The following RPL39L variants were observed in gnomAD, a reference collection of about 807,000 sequenced individuals.
The protein encoded by RPL39L is ribosomal protein eL39-like 2.
For missense variants in RPL39L, 48 were observed against 58.9 expected, an observed-to-expected ratio of 0.81 and a Z score of 0.61; for synonymous variants, 16 against 20.1, an observed-to-expected ratio of 0.80 and a Z score of 0.55.
chr3:187,122,769 T>A (rs947328340), intron 2 of RPL39L, among the ~76,000 whole-genome samples: 4 of 152,148 alleles, frequency 2.6e-5, no homozygotes, highest in Non-Finnish European at 5.9e-5. Context: ...GCTGAGCACA[T>A]GATGCCCCTA....
intron 2 of RPL39L, among the ~76,000 whole-genome samples, chr3:187,127,658 C>T (rs1179327567): frequency 6.6e-6 from 1 of 152,146 alleles, no homozygotes; most frequent in Non-Finnish European, 1.5e-5. Flanking sequence ...TCCTGTCTAC[C>T]ATCATCCCAC....
intron 2 of RPL39L, among the ~76,000 whole-genome samples, chr3:187,126,161 TTTC>T (rs936461205): frequency 2.0e-5 from 3 of 151,206 alleles, no homozygotes; most frequent in South Asian, 2.1e-4. Flanking sequence ...CATCTATTGG[TTTC>T]TTTTTTTTTT....
intron 2 of RPL39L, among the ~76,000 whole-genome samples, chr3:187,125,966 C>T (rs1176276505): frequency 1.3e-5 from 2 of 151,922 alleles, no homozygotes; most frequent in Admixed American, 6.6e-5. Context: ...CAGAGCACTC[C>T]GGAGTGGTTA....
At chr3:187,124,421 C>CA (rs946295274) in intron 2 of RPL39L, among the ~76,000 whole-genome samples, 17 of 152,268 alleles carry the variant, frequency 1.1e-4, no homozygotes, top group African/African-American at 3.6e-4. Context: ...AAAGAAAGCA[C>CA]ATGTGGAGAT....
At chr3:187,121,978 G>C (rs530452756) in intron 2 of RPL39L, among the ~76,000 whole-genome samples, 1 of 152,084 alleles carries the variant, frequency 6.6e-6, no homozygotes, top group Non-Finnish European at 1.5e-5. Context: ...AGGAAAACAT[G>C]GTTGAAAATA....
rs1720648385 is a variant in RPL39L, at chr3:187,139,340, C to G, written c.-220G>C. The G allele has an allele frequency of 6.6e-6, 1 of 152,410 alleles. No homozygotes were observed. The highest frequency in any genetic ancestry group is 1.5e-5 in the Non-Finnish European group (1 of 68,166). The allele number at this position is 152,410 out of a possible 1,614,324, so 9.4% of individuals were successfully genotyped here. ...GCGTGTCACCGACCCGAACCCGCTC[C>G]GTCGTCCTGACGCCCCCGGCCTAGC... On this transcript the variant is annotated 5_prime_UTR_variant, in exon 1 of 3. Coordinates refer to ENST00000296277, the MANE Select transcript of RPL39L (RefSeq NM_052969.3).
chr3:187,132,479 T>C (rs1720503306), intron 1 of RPL39L, among the ~76,000 whole-genome samples: 1 of 152,200 alleles, frequency 6.6e-6, no homozygotes, highest in South Asian at 2.1e-4. Context: ...GGTAATCAGG[T>C]AAATCTGATG....
chr3:187,138,527 A>C (rs890715016), intron 1 of RPL39L, among the ~76,000 whole-genome samples: 14 of 152,288 alleles, frequency 9.2e-5, no homozygotes, highest in African/African-American at 3.4e-4. Context: ...GCCTGTGAGA[A>C]CGCCTTGGAA....
intron 1 of RPL39L, among the ~76,000 whole-genome samples, chr3:187,136,534 T>C (rs1720583606): frequency 6.6e-6 from 1 of 152,220 alleles, no homozygotes; most frequent in Non-Finnish European, 1.5e-5. Context: ...GTTCTTTAAC[T>C]GCCAAGGCCT....
At chr3:187,137,288 C>T (rs1579416192) in intron 1 of RPL39L, among the ~76,000 whole-genome samples, 1 of 148,976 alleles carries the variant, frequency 6.7e-6, no homozygotes, top group Non-Finnish European at 1.5e-5. Context: ...TGCTCAGGAT[C>T]ACCTGAGGTC....
At position 187,122,599 on chromosome 3, in the gene RPL39L, GA is replaced by G. The variant is rs1185224759; in HGVS notation, c.-28-1272del. Reference sequence around the variant, plus strand: ...AACATGCAGGCAGGAAGAAGAGAAAGAAAGAAAGAAAGGCAAAAGAGTACAT... The same window carrying G: ...AACATGCAGGCAGGAAGAAGAGAAAGAAGAAAGAAAGGCAAAAGAGTACAT... On this transcript the variant is annotated intron_variant, in intron 2 of 2. Transcript: ENST00000296277. 2.0e-5 allele frequency among the ~76,000 whole-genome samples: 3 copies of G among 152,124 alleles called. No individual in the cohort carries two copies. The East Asian group carries it at 5.8e-4, about 29-fold the overall frequency.
chr3:187,138,534 G>A (rs1163712008), intron 1 of RPL39L, among the ~76,000 whole-genome samples: 1 of 152,198 alleles, frequency 6.6e-6, no homozygotes, highest in African/African-American at 2.4e-5. Flanking sequence ...AGAACGCCTT[G>A]GAAAGAGGCA....
chr3:187,131,241 G>A (rs535358871), intron 1 of RPL39L, among the ~76,000 whole-genome samples: 2 of 152,258 alleles, frequency 1.3e-5, no homozygotes, highest in South Asian at 4.2e-4. Flanking sequence ...ATTTTGGGAG[G>A]CTGAGGCAGG....
chr3:187,132,898 T>C (rs2270354), intron 1 of RPL39L, among the ~76,000 whole-genome samples: 28,828 of 152,026 alleles, frequency 0.19, 3,196 homozygotes, highest in Non-Finnish European at 0.2. Context: ...ACCAATAAAG[T>C]AGCTTGAAAT....
In RPL39L at chr3:187,139,384, G is replaced by C. The variant is rs1371250462; in HGVS notation, c.-264C>G. 1 of 151,832 alleles carries C rather than the reference G, an allele frequency of 6.6e-6. No individual in the cohort carries two copies. The allele number at this position is 151,832 out of a possible 1,614,324, so 9.4% of individuals were successfully genotyped here. A position where few individuals can be genotyped will look rare whatever the true frequency, so the allele number is the denominator to read the frequency against. Reference sequence around the variant, plus strand: ...GCCTAGCTGCAGCCACCTTGTCGCAGGGGCCTTGGTGTCTCTGAGACTCCG... The same window carrying C: ...GCCTAGCTGCAGCCACCTTGTCGCACGGGCCTTGGTGTCTCTGAGACTCCG... On this transcript the variant is annotated 5_prime_UTR_variant, in exon 1 of 3. Transcript: ENST00000296277.
At chr3:187,139,087 A>AC (rs1158810678) in intron 1 of RPL39L, 126 bp downstream of exon 1, 3,255 of 159,608 alleles carry the variant, frequency 0.02, 108 homozygotes, top group African/African-American at 0.062. Context: ...AAACAAACAA[A>AC]AACGCTACTA....
intron 1 of RPL39L, among the ~76,000 whole-genome samples, chr3:187,132,315 G>A (rs1159904203): frequency 6.6e-6 from 1 of 152,176 alleles, no homozygotes; most frequent in Admixed American, 6.5e-5. Context: ...TGACAAGAGA[G>A]AATACAGATT....
rs1720442771 is a variant in RPL39L, at chr3:187,128,923, T to C, written c.-92-861A>G. ...GGTAACACCTAGCCAGACCCTATTA[T>C]ACCTCTTGCTTTGCTCAGCACTATT... is the stretch of plus-strand genomic sequence containing the variant. On this transcript the variant is annotated intron_variant, in intron 1 of 2. Coordinates refer to ENST00000296277, the MANE Select transcript of RPL39L (RefSeq NM_052969.3). Among the ~76,000 whole-genome samples the C allele has an allele frequency of 2.0e-5, 3 of 152,232 alleles. No homozygotes were observed. In the South Asian group the frequency reaches 6.2e-4, roughly 32 times the overall value.
At chr3:187,126,833 G>GT (rs3214381) in intron 2 of RPL39L, among the ~76,000 whole-genome samples, 2 of 152,168 alleles carry the variant, frequency 1.3e-5, no homozygotes, top group East Asian at 3.8e-4. Context: ...GTTCATATAA[G>GT]TTGGGGAGTC....
Sources: gnomAD v4.1 joint callset for allele counts (sites outside exome capture counted in the v4.1 genomes callset) on GRCh38, gnomAD v4.1.1 for gene constraint, MANE v1.5 for transcripts, NCBI Gene and HGNC (gene_info 2026-07-23, HGNC 2026-07-21) for gene names.